Variants in OXR1 observed in about 807,000 individuals in gnomAD.
OXR1 encodes oxidation resistance protein 1.
In OXR1, 41 loss-of-function variants were observed where a neutral mutation model predicts 104.6. The observed-to-expected ratio is 0.39, with a 90% confidence interval of 0.31 to 0.51. The LOEUF (loss-of-function observed/expected upper bound fraction) is 0.51. Among genes scored for constraint, OXR1 ranks in the 20% least tolerant of loss-of-function variants. The pLI is 0.77. For synonymous variants in OXR1, 348 were observed against 348.4 expected (o/e 1.00, Z 0.01); for missense variants, 955 against 1,031.9 (o/e 0.93, Z 1.02).
intron 3 of OXR1, among the ~76,000 whole-genome samples, chr8:106,558,928 C>A (rs1407002003): frequency 6.6e-6 from 1 of 152,164 alleles, no homozygotes; most frequent in Non-Finnish European, 1.5e-5. Context: ...AATAGGGCAA[C>A]AATTCTTAGG....
At chr8:106,364,336 T>C (rs1166637435) in intron 2 of OXR1, among the ~76,000 whole-genome samples, 4 of 152,336 alleles carry the variant, frequency 2.6e-5, no homozygotes, top group East Asian at 1.9e-4. Flanking sequence ...TCCCAGTACA[T>C]TGGGAGGCCG....
chr8:106,484,908 C>T (rs1586703619), intron 2 of OXR1, among the ~76,000 whole-genome samples: 1 of 151,986 alleles, frequency 6.6e-6, no homozygotes, highest in East Asian at 1.9e-4. Context: ...TTATAATTAT[C>T]AAAATTTGGA....
intron 2 of OXR1, among the ~76,000 whole-genome samples, chr8:106,414,062 T>G (rs1312986198): frequency 6.6e-6 from 1 of 152,096 alleles, no homozygotes; most frequent in Non-Finnish European, 1.5e-5. Flanking sequence ...GTTTTATAAT[T>G]TTTTTGCTAG....
At chr8:106,599,574 T>G (rs1353312075) in intron 3 of OXR1, among the ~76,000 whole-genome samples, 2 of 152,198 alleles carry the variant, frequency 1.3e-5, no homozygotes, top group African/African-American at 4.8e-5. Flanking sequence ...GATAAAATCT[T>G]CAAAGTAAGC....
intron 7 of OXR1, among the ~76,000 whole-genome samples, chr8:106,696,014 C>A (rs1443836801): frequency 7.1e-6 from 1 of 140,980 alleles, no homozygotes; most frequent in African/African-American, 2.7e-5. Flanking sequence ...CTCTCTTGTA[C>A]ATTCTGTGGG....
intron 3 of OXR1, among the ~76,000 whole-genome samples, chr8:106,589,061 A>C (rs1818871701): frequency 6.6e-6 from 1 of 151,974 alleles, no homozygotes; most frequent in African/African-American, 2.4e-5. Context: ...TCCTGCCTTT[A>C]GTGGACTGCT....
At chr8:106,608,228 T>C (rs1820549242) in intron 3 of OXR1, among the ~76,000 whole-genome samples, 2 of 152,136 alleles carry the variant, frequency 1.3e-5, no homozygotes, top group South Asian at 4.1e-4. Context: ...AGGTCAAGGC[T>C]GCAGTGAGCT....
intron 2 of OXR1, among the ~76,000 whole-genome samples, chr8:106,487,021 CTTTTT>C: frequency 7.7e-6 from 1 of 129,696 alleles, no homozygotes. Flanking sequence ...AATCCAGACA[CTTTTT>C]TTTTTTTTTT....
chr8:106,598,773 A>ATT (rs1191752305), intron 3 of OXR1, among the ~76,000 whole-genome samples: 5 of 152,216 alleles, frequency 3.3e-5, no homozygotes, highest in African/African-American at 1.2e-4. Context: ...TCAGGATGAA[A>ATT]TTTTAGTGTA....
In OXR1 at chr8:106,426,566, G is replaced by A. The variant is rs143251402; in HGVS notation, c.23+66930G>A. The stretch of plus-strand genomic sequence containing the variant: ...GAGTAATTTCTGACTTCATTCTGTA[G>A]GAATATGATCAATTTAAAAGTATAT... On this transcript the variant is annotated intron_variant, in intron 2 of 16. Transcript: ENST00000517566. Among the ~76,000 whole-genome samples, 1,070 of 152,190 alleles carry A rather than the reference G, an allele frequency of 7.0e-3. 14 individuals carry two copies. The highest frequency in any genetic ancestry group is 7.4e-3 in the Non-Finnish European group (506 of 68,002).
intron 2 of OXR1, among the ~76,000 whole-genome samples, chr8:106,506,429 T>G (rs180970600): frequency 6.6e-6 from 1 of 152,000 alleles, no homozygotes; most frequent in African/African-American, 2.4e-5. Context: ...CTGGCTAACA[T>G]GGTGAAACCC....
At chr8:106,743,540 C>T (rs575127559) in intron 15 of OXR1, among the ~76,000 whole-genome samples, 3 of 152,284 alleles carry the variant, frequency 2.0e-5, no homozygotes, top group East Asian at 1.9e-4. Flanking sequence ...AGGCTGGTCT[C>T]GAACTCCTGA....
Position 106,282,522 on chromosome 8 carries a change from TATTG to T in OXR1, c.-139+12157_-139+12160del, listed in dbSNP as rs1812331750. On this transcript the variant is annotated intron_variant, in intron 1 of 16. Transcript: ENST00000517566. Reference sequence around the variant, plus strand: ...AAAAACTTAACTACTAATAGCCTACTATTGACCAGAAGCCTTACCAATAACATGG... The same window carrying T: ...AAAAACTTAACTACTAATAGCCTACTACCAGAAGCCTTACCAATAACATGG... 2.6e-5 allele frequency among the ~76,000 whole-genome samples: 4 copies of T among 152,310 alleles called. No homozygotes were observed. The East Asian group carries it at 7.7e-4, about 29-fold the overall frequency.
At chr8:106,677,466 A>C (rs1290247769) in intron 3 of OXR1, among the ~76,000 whole-genome samples, 1 of 152,164 alleles carries the variant, frequency 6.6e-6, no homozygotes, top group Non-Finnish European at 1.5e-5. Flanking sequence ...CCAGGAATGC[A>C]GAAGAATATC....
At chr8:106,656,707 T>C (rs1825120104) in intron 3 of OXR1, among the ~76,000 whole-genome samples, 1 of 151,972 alleles carries the variant, frequency 6.6e-6, no homozygotes, top group Non-Finnish European at 1.5e-5. Context: ...AGACATTCTG[T>C]ATTTTTCACC....
At chr8:106,354,104 A>AT (rs200247407) in intron 1 of OXR1, among the ~76,000 whole-genome samples, 20,169 of 141,716 alleles carry the variant, frequency 0.14, 1,501 homozygotes, top group African/African-American at 0.21. Flanking sequence ...CCCTTTGCCC[A>AT]TTTTTTTTTT....
intron 11 of OXR1, chr8:106,720,642 C>G (rs1055840815): frequency 3.4e-6 from 2 of 588,936 alleles, no homozygotes; most frequent in African/African-American, 2.0e-5. Context: ...CATGCAGATA[C>G]AATTGATGTT....
chr8:106,418,775 A>G (rs1818786584), intron 2 of OXR1, among the ~76,000 whole-genome samples: 1 of 152,114 alleles, frequency 6.6e-6, no homozygotes. Context: ...AGACCTCCAG[A>G]TATGTATGCA....
intron 7 of OXR1, chr8:106,697,521 A>G: frequency 6.2e-7 from 1 of 1,610,848 alleles, no homozygotes; most frequent in Admixed American, 1.7e-5. Context: ...GCAGCTGGTT[A>G]TCCGAGAAGT....
Sources: allele counts gnomAD v4.1 joint callset (sites outside exome capture counted in the v4.1 genomes callset), GRCh38; gene constraint gnomAD v4.1.1; transcripts MANE v1.5; gene names NCBI Gene and HGNC (gene_info 2026-07-23, HGNC 2026-07-21).